The following ELF1 variants were observed in gnomAD, a reference collection of about 807,000 sequenced individuals.
ELF1 encodes the protein ETS-related transcription factor Elf-1.
Under a neutral mutation model 59.9 loss-of-function variants are expected in ELF1, and 24 were observed. That is an observed-to-expected ratio of 0.40 (90% CI 0.29 to 0.56). ELF1 has a LOEUF of 0.56. ELF1 is among the 20% of genes least tolerant of loss of function. The pLI, the probability that ELF1 is intolerant of heterozygous loss-of-function variation, is 0.44. For missense variants in ELF1, 627 were observed against 742.2 expected, an observed-to-expected ratio of 0.84 and a Z score of 1.80; for synonymous variants, 248 against 266.2, an observed-to-expected ratio of 0.93 and a Z score of 0.67.
At chr13:40,989,162 AAAC>A (rs1464412016) in intron 1 of ELF1, among the ~76,000 whole-genome samples, 4 of 152,228 alleles carry the variant, frequency 2.6e-5, no homozygotes, top group Admixed American at 2.0e-4. Flanking sequence ...AATATGGAAA[AAAC>A]AATAAAGAAA....
At chr13:41,022,536 G>A (rs779057165), upstream of ELF1, among the ~76,000 whole-genome samples, 2 of 152,086 alleles carry the variant, frequency 1.3e-5, no homozygotes, top group Non-Finnish European at 2.9e-5. Context: ...AAACTAAATA[G>A]GGCAAATTGT....
At chr13:41,018,798 A>G (rs1181778323) in intron 1 of ELF1, among the ~76,000 whole-genome samples, 1 of 152,176 alleles carries the variant, frequency 6.6e-6, no homozygotes, top group South Asian at 2.1e-4. Flanking sequence ...TAAAATGCCA[A>G]AACAAAGCCA....
In ELF1 at chr13:40,932,072, T is replaced by C. The variant is rs950933044; in HGVS notation, c.*1353A>G. 8 of 152,202 alleles carry C rather than the reference T, an allele frequency of 5.3e-5. No homozygotes were observed. Among genetic ancestry groups the C allele is most frequent in the African/African-American group, 1.4e-4 (6 of 41,478 alleles). The allele number at this position is 152,202 out of a possible 1,614,324, so 9.4% of individuals were successfully genotyped here. A position where few individuals can be genotyped will look rare whatever the true frequency, so the allele number is the denominator to read the frequency against. The stretch of plus-strand genomic sequence containing the variant: ...TATTTAATAATAAACCAATTAAAGA[T>C]ACAAAAATGTTTAGAGGATTCCAAA... On this transcript the variant is annotated 3_prime_UTR_variant, in exon 9 of 9. Transcript: ENST00000239882.
At chr13:41,060,475 G>A (rs963730765) in intron 1 of ELF1, among the ~76,000 whole-genome samples, 15 of 152,090 alleles carry the variant, frequency 9.9e-5, no homozygotes, top group Non-Finnish European at 1.5e-4. Context: ...CCAGGGGAAA[G>A]TGAAACTCCC....
intron 5 of ELF1, among the ~76,000 whole-genome samples, chr13:40,944,605 G>A (rs1331950339): frequency 6.6e-6 from 1 of 152,128 alleles, no homozygotes; most frequent in Non-Finnish European, 1.5e-5. Context: ...CTCAGAGTGG[G>A]GTCGATAAAC....
intron 3 of ELF1, among the ~76,000 whole-genome samples, chr13:40,952,257 A>G (rs951306614): frequency 3.3e-5 from 5 of 152,178 alleles, no homozygotes; most frequent in African/African-American, 1.2e-4. Context: ...GATGAAATTC[A>G]ACTTTAATTT....
chr13:40,989,078 A>G (rs576609161), intron 1 of ELF1, among the ~76,000 whole-genome samples: 1 of 152,218 alleles, frequency 6.6e-6, no homozygotes, highest in Non-Finnish European at 1.5e-5. Context: ...GATTACAGGC[A>G]TGAGCCACTA....
At chr13:41,039,259 A>G (rs922255592) in intron 1 of ELF1, among the ~76,000 whole-genome samples, 1 of 151,538 alleles carries the variant, frequency 6.6e-6, no homozygotes, top group Non-Finnish European at 1.5e-5. Flanking sequence ...AAGTAAATAA[A>G]TAATTTTTAA....
intron 1 of ELF1, among the ~76,000 whole-genome samples, chr13:40,989,988 T>C (rs746861652): frequency 6.6e-6 from 1 of 151,678 alleles, no homozygotes; most frequent in Non-Finnish European, 1.5e-5. Flanking sequence ...AACTTCTTTA[T>C]TGTCCACTAA....
In ELF1 at chr13:40,933,548, T is replaced by A; in HGVS notation, c.1737A>T (p.Lys579Asn). 6.2e-7 allele frequency: 1 copy of A among 1,614,256 alleles called. No individual in the cohort carries two copies. Among genetic ancestry groups the A allele is most frequent in the South Asian group, 1.1e-5 (1 of 91,092 alleles). The change falls in exon 9 of 9, where the codon AAA becomes AAT. Residue 579 changes from lysine to asparagine, a missense_variant. Lys to Asn is a moderately conservative substitution (Grantham distance 94). Coordinates refer to ENST00000239882, the MANE Select transcript of ELF1 (RefSeq NM_172373.4). ...GCTGCTCCGTTTTCTCAGTGTTCTCTTTCAAATGATCTTCAGATTCCTTTT... is the reference window on the plus strand; with the variant it reads ...GCTGCTCCGTTTTCTCAGTGTTCTCATTCAAATGATCTTCAGATTCCTTTT... ...VEKKESEDHL[K>N]ENTEKTEQQP...
At chr13:41,003,604 G>C (rs1276929882) in intron 1 of ELF1, among the ~76,000 whole-genome samples, 1 of 151,960 alleles carries the variant, frequency 6.6e-6, no homozygotes, top group African/African-American at 2.4e-5. Flanking sequence ...CAATCACTGA[G>C]GCACAAAAAA....
At chr13:41,058,799 A>G (rs1212499591) in intron 1 of ELF1, among the ~76,000 whole-genome samples, 2 of 152,084 alleles carry the variant, frequency 1.3e-5, no homozygotes, top group Non-Finnish European at 2.9e-5. Context: ...ATGGTGAAAC[A>G]TTGTCTTTAC....
chr13:41,029,736 T>C (rs1356249116), intron 1 of ELF1, among the ~76,000 whole-genome samples: 4 of 152,174 alleles, frequency 2.6e-5, no homozygotes, highest in Non-Finnish European at 5.9e-5. Flanking sequence ...TCATCCAATG[T>C]GGGTGGGCAC....
intron 1 of ELF1, among the ~76,000 whole-genome samples, chr13:41,049,649 T>C (rs1019817250): frequency 2.0e-5 from 3 of 152,156 alleles, no homozygotes; most frequent in African/African-American, 7.2e-5. Flanking sequence ...TGCTACTCCC[T>C]CAATCTACTC....
intron 1 of ELF1, among the ~76,000 whole-genome samples, chr13:41,048,932 C>T (rs983066957): frequency 1.3e-5 from 2 of 152,080 alleles, no homozygotes; most frequent in African/African-American, 4.8e-5. Context: ...CTTAATTCTG[C>T]CCCTATTATG....
At position 41,015,155 on chromosome 13, in the gene ELF1, G is replaced by A. The variant is rs117422876; in HGVS notation, c.-229+4073C>T. Among the ~76,000 whole-genome samples, 402 of 152,178 alleles carry A rather than the reference G, an allele frequency of 2.6e-3. 7 individuals are homozygous for A. The East Asian group carries it at 0.048, about 18-fold the overall frequency. On this transcript the variant is annotated intron_variant, in intron 1 of 8. Coordinates refer to ENST00000239882, the MANE Select transcript of ELF1 (RefSeq NM_172373.4). ...GTAAGAGTATGGAGAGGGAAACCAA[G>A]AAGCAACAATTGGAACCAAAACAAC...
chr13:40,985,090 A>G (rs899385425), intron 1 of ELF1, among the ~76,000 whole-genome samples: 3 of 152,226 alleles, frequency 2.0e-5, no homozygotes, highest in African/African-American at 4.8e-5. Context: ...GCTTATTTCT[A>G]TAGAGAAGTC....
chr13:40,936,125 C>T (rs941385365), intron 8 of ELF1, among the ~76,000 whole-genome samples: 1 of 152,116 alleles, frequency 6.6e-6, no homozygotes, highest in Non-Finnish European at 1.5e-5. Flanking sequence ...TACGAAAACA[C>T]TGATGCACAA....
chr13:40,948,159 T>G lies in ELF1; in HGVS notation c.529+1647A>C, dbSNP rs1002165081. Among the ~76,000 whole-genome samples, 12 of 152,248 alleles carry G rather than the reference T, an allele frequency of 7.9e-5. No individual in the cohort carries two copies. In the South Asian group the frequency reaches 8.3e-4, roughly 10 times the overall value. Reference sequence around the variant, plus strand: ...CTTAATACATGGAGAAAAAATTTTTTGGAAAGCAGTTTGTGTTTCTGAAAA... The same window carrying G: ...CTTAATACATGGAGAAAAAATTTTTGGGAAAGCAGTTTGTGTTTCTGAAAA... On this transcript the variant is annotated intron_variant, in intron 5 of 8. Transcript: ENST00000239882.
Sources: gnomAD v4.1 joint callset for allele counts (sites outside exome capture counted in the v4.1 genomes callset) on GRCh38, gnomAD v4.1.1 for gene constraint, MANE v1.5 for transcripts, NCBI Gene and HGNC (gene_info 2026-07-23, HGNC 2026-07-21) for gene names.